The following TXNRD1 variants were observed in gnomAD, a reference collection of about 807,000 sequenced individuals.
TXNRD1 encodes the protein thioredoxin reductase 1, cytoplasmic.
In TXNRD1, 57 loss-of-function variants were observed where a neutral mutation model predicts 80.3. The ratio of observed to expected loss-of-function variants is 0.71; its 90% confidence interval spans 0.57 to 0.89. The LOEUF (loss-of-function observed/expected upper bound fraction) is 0.89. TXNRD1 is among the 40% of genes least tolerant of loss of function. The pLI, the probability that TXNRD1 is intolerant of heterozygous loss-of-function variation, is 0.00. For synonymous variants in TXNRD1, 291 were observed against 285.2 expected (o/e 1.02, Z -0.20); for missense variants, 730 against 803.0 (o/e 0.91, Z 1.10).
chr12:104,220,637 ATTGC>A (rs1235381922), intron 1 of TXNRD1, among the ~76,000 whole-genome samples: 1 of 145,150 alleles, frequency 6.9e-6, no homozygotes, highest in Admixed American at 6.9e-5. Flanking sequence ...AGGCAGGAGA[ATTGC>A]TTTAATCCAG....
chr12:104,290,078 A>G (rs750269094), intron 4 of TXNRD1, among the ~76,000 whole-genome samples: 26 of 152,278 alleles, frequency 1.7e-4, no homozygotes, highest in Non-Finnish European at 2.4e-4. Flanking sequence ...TTATCCATTT[A>G]TATCTCTGTA....
At chr12:104,236,111 G>A (rs1039334790) in intron 1 of TXNRD1, among the ~76,000 whole-genome samples, 2 of 152,148 alleles carry the variant, frequency 1.3e-5, no homozygotes, top group African/African-American at 4.8e-5. Flanking sequence ...TCTGTTCCCA[G>A]GCAAGAGGGA....
At chr12:104,294,502 A>AT (rs2034370388) in intron 4 of TXNRD1, among the ~76,000 whole-genome samples, 1 of 152,116 alleles carries the variant, frequency 6.6e-6, no homozygotes, top group Admixed American at 6.5e-5. Context: ...TTGAGTGAGG[A>AT]TTATCATAAT....
In TXNRD1 at chr12:104,312,235, T is replaced by C. The variant is rs151299535; in HGVS notation, c.537+823T>C. Among the ~76,000 whole-genome samples the C allele has an allele frequency of 6.6e-5, 10 of 152,312 alleles. No individual in the cohort carries two copies. The East Asian group carries it at 1.9e-3, about 29-fold the overall frequency. On this transcript the variant is annotated intron_variant, in intron 5 of 16. Coordinates refer to ENST00000525566, the MANE Select transcript of TXNRD1 (RefSeq NM_001093771.3). ...TGCTTTTTGTATATGTGAGGTTATC[T>C]AATAACCACTAACTCTGTGGTCTGA...
chr12:104,275,701 G>A (rs934524582), intron 3 of TXNRD1, among the ~76,000 whole-genome samples: 9 of 152,120 alleles, frequency 5.9e-5, no homozygotes, highest in African/African-American at 1.7e-4. Flanking sequence ...AGTTTTGATC[G>A]GTGTCCACTG....
At chr12:104,253,140 A>ACT (rs1049242527) in intron 2 of TXNRD1, among the ~76,000 whole-genome samples, 1 of 150,314 alleles carries the variant, frequency 6.7e-6, no homozygotes, top group Non-Finnish European at 1.5e-5. Context: ...GGCTTTTTGG[A>ACT]CTCTCTCTCT....
intron 4 of TXNRD1, among the ~76,000 whole-genome samples, chr12:104,290,584 C>T (rs2034147102): frequency 6.6e-6 from 1 of 150,750 alleles, no homozygotes; most frequent in South Asian, 2.1e-4. Flanking sequence ...GTCCCAGCTA[C>T]TCTGGGACTG....
chr12:104,293,050 C>G (rs568003432), intron 4 of TXNRD1, among the ~76,000 whole-genome samples: 1 of 152,272 alleles, frequency 6.6e-6, no homozygotes, highest in South Asian at 2.1e-4. Flanking sequence ...GTTCCTACTG[C>G]TCAAAGATGT....
At chr12:104,315,680 A>G (rs1012168803) in intron 6 of TXNRD1, 97 bp from the exon 7 acceptor site, 40 of 1,366,852 alleles carry the variant, frequency 2.9e-5, no homozygotes, top group East Asian at 5.6e-5. Context: ...ATATAATACA[A>G]TATTTCTTAG....
chr12:104,286,951 CAGTT>C (rs941234810), intron 3 of TXNRD1: 13 of 1,214,126 alleles, frequency 1.1e-5, no homozygotes, highest in Admixed American at 7.9e-5. Flanking sequence ...CTGACTCTGG[CAGTT>C]AGCCCGCCCG....
intron 3 of TXNRD1, chr12:104,262,354 C>G (rs914927593): frequency 6.6e-6 from 1 of 151,642 alleles, no homozygotes; most frequent in Admixed American, 6.6e-5. Context: ...ATAGGAGGAA[C>G]ACCGTTCTAC....
chr12:104,225,047 T>C (rs2032441996), intron 1 of TXNRD1: 4 of 358,784 alleles, frequency 1.1e-5, no homozygotes, highest in Non-Finnish European at 2.2e-5. Context: ...AATTAGATAA[T>C]ATTTATTCAT....
At chr12:104,266,916 C>G (rs2033503285) in intron 3 of TXNRD1, among the ~76,000 whole-genome samples, 1 of 151,920 alleles carries the variant, frequency 6.6e-6, no homozygotes, top group Non-Finnish European at 1.5e-5. Flanking sequence ...AAGCCAAGAT[C>G]GAGCCACTGC....
chr12:104,263,494 A>G (rs2033411893), intron 3 of TXNRD1, among the ~76,000 whole-genome samples: 1 of 152,136 alleles, frequency 6.6e-6, no homozygotes, highest in Admixed American at 6.6e-5. Flanking sequence ...ATCTGCCACC[A>G]TGCCAGCTAC....
intron 4 of TXNRD1, among the ~76,000 whole-genome samples, chr12:104,289,752 C>G (rs1236839900): frequency 7.6e-5 from 11 of 144,186 alleles, no homozygotes; most frequent in African/African-American, 2.8e-4. Flanking sequence ...AAAAAAAAAA[C>G]AGTCTTGCTC....
At chr12:104,281,642 G>A (rs1309534229) in intron 3 of TXNRD1, among the ~76,000 whole-genome samples, 8 of 151,636 alleles carry the variant, frequency 5.3e-5, no homozygotes, top group Admixed American at 2.0e-4. Context: ...TCCTGACCTC[G>A]TGATCCGCCC....
At chr12:104,274,702 A>G (rs2033719932) in intron 3 of TXNRD1, among the ~76,000 whole-genome samples, 1 of 145,470 alleles carries the variant, frequency 6.9e-6, no homozygotes, top group Non-Finnish European at 1.5e-5. Flanking sequence ...CCATCTCAAA[A>G]AAAAAAAATT....
chr12:104,346,400 A>T (rs2036493221), intron 16 of TXNRD1, among the ~76,000 whole-genome samples: 1 of 152,240 alleles, frequency 6.6e-6, no homozygotes. Flanking sequence ...GAAAAAACAG[A>T]TAAGAGCTCA....
intron 3 of TXNRD1, among the ~76,000 whole-genome samples, chr12:104,284,808 G>A (rs1416140888): frequency 6.6e-6 from 1 of 152,108 alleles, no homozygotes; most frequent in Admixed American, 6.6e-5. Flanking sequence ...CCTTAGGGAG[G>A]GAAGATAATT....
Sources: allele counts gnomAD v4.1 joint callset (sites outside exome capture counted in the v4.1 genomes callset), GRCh38; gene constraint gnomAD v4.1.1; transcripts MANE v1.5; gene names NCBI Gene and HGNC (gene_info 2026-07-23, HGNC 2026-07-21).